The following SPMIP7 variants were observed in gnomAD, a reference collection of about 807,000 sequenced individuals.
The protein encoded by SPMIP7 is protein SPMIP7.
At chr7:50,159,178 GC>G in the SPMIP7 span, 1 of 1,550,442 alleles carries the variant, frequency 6.4e-7, no homozygotes, top group Non-Finnish European at 8.7e-7. Context: ...AGAGGAGGCG[GC>G]CCTGCGCGGG....
chr7:50,140,217 A>G, the SPMIP7 span: 1 of 1,381,462 alleles, frequency 7.2e-7, no homozygotes, highest in South Asian at 1.4e-5. Context: ...AAAAAATTTT[A>G]GATTTATATT....
the SPMIP7 span, among the ~76,000 whole-genome samples, chr7:50,140,995 G>A: frequency 2.0e-5 from 3 of 152,332 alleles, 1 homozygote; most frequent in African/African-American, 7.2e-5. Flanking sequence ...TGCTGGGGCT[G>A]CAGGAACAGC....
chr7:50,095,965 T>C, the SPMIP7 span: 27 of 625,064 alleles, frequency 4.3e-5, no homozygotes, highest in East Asian at 8.5e-4. Flanking sequence ...TAGAAAGCTG[T>C]GTCAATTTTA....
At chr7:50,098,838 T>TG in the SPMIP7 span, among the ~76,000 whole-genome samples, 64 of 151,806 alleles carry the variant, frequency 4.2e-4, no homozygotes, top group Non-Finnish European at 5.7e-4. Context: ...CACACGAATC[T>TG]GGGGGGATAC....
the SPMIP7 span, among the ~76,000 whole-genome samples, chr7:50,150,700 T>C: frequency 6.6e-6 from 1 of 152,236 alleles, no homozygotes; most frequent in Non-Finnish European, 1.5e-5. Context: ...TTCTTCACAT[T>C]CCTTCCTCTG....
chr7:50,157,516 A>G, the SPMIP7 span, among the ~76,000 whole-genome samples: 1 of 152,240 alleles, frequency 6.6e-6, no homozygotes, highest in African/African-American at 2.4e-5. Flanking sequence ...ACAACATATA[A>G]TATACATATG....
the SPMIP7 span, among the ~76,000 whole-genome samples, chr7:50,104,930 A>G: frequency 0.016 from 2,431 of 152,210 alleles, 76 homozygotes; most frequent in African/African-American, 0.055. Flanking sequence ...TGGAACAACA[A>G]TCCTCTCTGA....
At chr7:50,125,105 TATATATATATACAC>T in the SPMIP7 span, among the ~76,000 whole-genome samples, 1 of 87,336 alleles carries the variant, frequency 1.1e-5, no homozygotes, top group East Asian at 4.1e-4. Context: ...TATATATATA[TATATATATATACAC>T]ACACACACAC....
At chr7:50,154,786 G>A in the SPMIP7 span, among the ~76,000 whole-genome samples, 1 of 152,280 alleles carries the variant, frequency 6.6e-6, no homozygotes, top group Non-Finnish European at 1.5e-5. Context: ...ACTCCATACT[G>A]TTTTCCATAA....
At chr7:50,114,871 A>C in the SPMIP7 span, among the ~76,000 whole-genome samples, 3 of 152,106 alleles carry the variant, frequency 2.0e-5, no homozygotes, top group African/African-American at 7.2e-5. Flanking sequence ...CTCTATTAAA[A>C]ATACAAAAAT....
the SPMIP7 span, among the ~76,000 whole-genome samples, chr7:50,124,078 CT>C: frequency 6.6e-6 from 1 of 151,978 alleles, no homozygotes; most frequent in Non-Finnish European, 1.5e-5. Context: ...TATAAATAGG[CT>C]GTAGTGGCTA....
chr7:50,128,556 A>G, the SPMIP7 span, among the ~76,000 whole-genome samples: 4 of 152,044 alleles, frequency 2.6e-5, no homozygotes, highest in Non-Finnish European at 5.9e-5. Context: ...ATATGAATGT[A>G]TCAAATTATC....
At chr7:50,095,884 T>C in the SPMIP7 span, among the ~76,000 whole-genome samples, 156 of 152,348 alleles carry the variant, frequency 1.0e-3, no homozygotes, top group Admixed American at 3.0e-3. Context: ...TGTTCCTTCA[T>C]TGCCCTATTC....
the SPMIP7 span, among the ~76,000 whole-genome samples, chr7:50,158,025 C>G: frequency 0.01 from 1,553 of 152,374 alleles, 18 homozygotes; most frequent in African/African-American, 0.029. Context: ...CTTAAATACA[C>G]TGGCAGAGCC....
chr7:50,145,606 G>GTATGTA, the SPMIP7 span, among the ~76,000 whole-genome samples: 2 of 37,966 alleles, frequency 5.3e-5, no homozygotes, highest in Non-Finnish European at 1.1e-4. Context: ...GTGTGTGTGT[G>GTATGTA]TATATGTGTG....
chr7:50,114,478 T>C, the SPMIP7 span, among the ~76,000 whole-genome samples: 1 of 152,040 alleles, frequency 6.6e-6, no homozygotes, highest in African/African-American at 2.4e-5. Flanking sequence ...GTAAAATATG[T>C]ATACTATAAA....
At chr7:50,158,962 G>C in the SPMIP7 span, 1 of 1,405,594 alleles carries the variant, frequency 7.1e-7, no homozygotes, top group Non-Finnish European at 9.7e-7. Context: ...TCCCGCACAG[G>C]GGTATCATTA....
the SPMIP7 span, among the ~76,000 whole-genome samples, chr7:50,121,055 C>T: frequency 6.6e-6 from 1 of 152,124 alleles, no homozygotes; most frequent in Non-Finnish European, 1.5e-5. Flanking sequence ...ATTATAAATG[C>T]TCATACGTAG....
At chr7:50,109,302 T>C in the SPMIP7 span, among the ~76,000 whole-genome samples, 1 of 152,264 alleles carries the variant, frequency 6.6e-6, no homozygotes, top group Non-Finnish European at 1.5e-5. Flanking sequence ...GCCTAAAGAA[T>C]AATAAGAAAT....
Sources: gnomAD v4.1 joint callset for allele counts (sites outside exome capture counted in the v4.1 genomes callset) on GRCh38, gnomAD v4.1.1 for gene constraint, MANE v1.5 for transcripts, NCBI Gene and HGNC (gene_info 2026-07-23, HGNC 2026-07-21) for gene names.